The following EYA1 variants were observed in gnomAD, a reference collection of about 807,000 sequenced individuals.
The protein encoded by EYA1 is protein phosphatase EYA1.
EYA1 carries 16 observed loss-of-function variants against 82.0 expected under a neutral mutation model. The observed-to-expected ratio is 0.20, with a 90% confidence interval of 0.13 to 0.30. The LOEUF is 0.30. Ranked by LOEUF, EYA1 falls within the 10% of genes least tolerant of loss-of-function variation. The pLI, the probability that EYA1 is intolerant of heterozygous loss-of-function variation, is 1.00. For missense variants in EYA1, 633 were observed against 730.7 expected, an observed-to-expected ratio of 0.87 and a Z score of 1.54; for synonymous variants, 261 against 264.4, an observed-to-expected ratio of 0.99 and a Z score of 0.12.
chr8:71,530,463 G>T (rs1471653613), intron 2 of EYA1, among the ~76,000 whole-genome samples: 1 of 152,176 alleles, frequency 6.6e-6, no homozygotes, highest in African/African-American at 2.4e-5. Flanking sequence ...TTCTAATAAA[G>T]ATGCTCGGCT....
chr8:71,272,468 T>C (rs1187822608), intron 9 of EYA1, among the ~76,000 whole-genome samples: 1 of 152,144 alleles, frequency 6.6e-6, no homozygotes, highest in Non-Finnish European at 1.5e-5. Flanking sequence ...ACAATACCCG[T>C]ACTCCACACA....
intron 11 of EYA1, among the ~76,000 whole-genome samples, chr8:71,266,471 A>C (rs1336510932): frequency 1.3e-5 from 2 of 152,210 alleles, no homozygotes; most frequent in East Asian, 3.9e-4. Flanking sequence ...TGAGGAAATC[A>C]TTAAGTAGAC....
intron 9 of EYA1, among the ~76,000 whole-genome samples, chr8:71,295,822 C>T (rs1819534210): frequency 6.6e-6 from 1 of 152,100 alleles, no homozygotes; most frequent in Non-Finnish European, 1.5e-5. Flanking sequence ...ACCAAGATGT[C>T]CTTCAATTGG....
chr8:71,451,801 G>A (rs1002972027), intron 2 of EYA1, among the ~76,000 whole-genome samples: 9 of 152,200 alleles, frequency 5.9e-5, no homozygotes, highest in Non-Finnish European at 1.0e-4. Context: ...GTTCCAAGAT[G>A]GCCAACTAGG....
At chr8:71,386,334 C>T (rs1828964407) in intron 2 of EYA1, among the ~76,000 whole-genome samples, 3 of 152,240 alleles carry the variant, frequency 2.0e-5, no homozygotes, top group South Asian at 4.1e-4. Flanking sequence ...ATGAGGGAGT[C>T]GCTCAAGCTC....
At chr8:71,371,512 G>A (rs1828078647) in intron 2 of EYA1, among the ~76,000 whole-genome samples, 1 of 152,082 alleles carries the variant, frequency 6.6e-6, no homozygotes, top group South Asian at 2.1e-4. Context: ...AAAATCAAGG[G>A]CAACAAGTCA....
intron 2 of EYA1, among the ~76,000 whole-genome samples, chr8:71,422,646 G>T (rs1469596307): frequency 6.6e-6 from 1 of 152,068 alleles, no homozygotes; most frequent in African/African-American, 2.4e-5. Flanking sequence ...AGCATGGCTG[G>T]GGAGGCCTCA....
intron 4 of EYA1, among the ~76,000 whole-genome samples, chr8:71,332,468 A>C (rs549945336): frequency 7.2e-5 from 11 of 152,222 alleles, no homozygotes; most frequent in Admixed American, 7.2e-4. Flanking sequence ...CCCATTGGTC[A>C]CTGCCCACTA....
At chr8:71,289,264 T>C (rs937386196) in intron 9 of EYA1, among the ~76,000 whole-genome samples, 3 of 152,082 alleles carry the variant, frequency 2.0e-5, no homozygotes, top group Admixed American at 1.3e-4. Flanking sequence ...TGAGGGAGAA[T>C]GGGAGCAATC....
intron 17 of EYA1, among the ~76,000 whole-genome samples, chr8:71,207,375 TAAG>T (rs1256089015): frequency 6.6e-6 from 1 of 152,120 alleles, no homozygotes; most frequent in Non-Finnish European, 1.5e-5. Context: ...AGTTAGAAAA[TAAG>T]AAAGGAATGT....
intron 11 of EYA1, among the ~76,000 whole-genome samples, chr8:71,268,757 A>C (rs1816166704): frequency 6.6e-6 from 1 of 152,226 alleles, no homozygotes. Context: ...AATCCCCCAG[A>C]CTGCATATCC....
chr8:71,354,491 T>C (rs1206795599), intron 3 of EYA1, among the ~76,000 whole-genome samples: 2 of 152,134 alleles, frequency 1.3e-5, no homozygotes, highest in African/African-American at 4.8e-5. Flanking sequence ...AATAAGAAGA[T>C]AAAACACACT....
intron 2 of EYA1, among the ~76,000 whole-genome samples, chr8:71,505,386 A>G: frequency 6.6e-6 from 1 of 152,216 alleles, no homozygotes; most frequent in South Asian, 2.1e-4. Context: ...CTTGTAGAAT[A>G]CATCTTAATT....
At chr8:71,344,820 AC>A (rs1284098211) in intron 3 of EYA1, among the ~76,000 whole-genome samples, 4 of 152,214 alleles carry the variant, frequency 2.6e-5, no homozygotes, top group African/African-American at 9.6e-5. Flanking sequence ...CAGACTCACA[AC>A]CTCAATCATA....
chr8:71,465,444 G>A (rs1417564923), intron 2 of EYA1, among the ~76,000 whole-genome samples: 2 of 152,050 alleles, frequency 1.3e-5, no homozygotes, highest in African/African-American at 4.8e-5. Context: ...CCAACATGGT[G>A]AAACTCCATC....
Position 71,211,153 on chromosome 8 carries a change from C to A in EYA1, c.1698+3G>T. On this transcript the variant is annotated splice_donor_region_variant and intron_variant, in intron 17 of 17. Coordinates refer to ENST00000340726, the MANE Select transcript of EYA1 (RefSeq NM_000503.6). The stretch of plus-strand genomic sequence containing the variant: ...ACAAGATGCACCATCTAGGAATGCT[C>A]ACCTTTTTTGCTCCTTGTTCTTCTT... 6.3e-7 allele frequency: 1 copy of A among 1,591,566 alleles called. No individual in the cohort carries two copies. Among genetic ancestry groups the A allele is most frequent in the Non-Finnish European group, 8.6e-7 (1 of 1,159,566 alleles).
At chr8:71,267,019 G>A (rs533576718) in intron 11 of EYA1, among the ~76,000 whole-genome samples, 1 of 152,144 alleles carries the variant, frequency 6.6e-6, no homozygotes, top group Admixed American at 6.5e-5. Flanking sequence ...TACTGCTGGT[G>A]CCTCAGATCA....
chr8:71,225,339 C>T (rs1366163739), intron 12 of EYA1: 3 of 456,108 alleles, frequency 6.6e-6, no homozygotes, highest in South Asian at 4.6e-5. Flanking sequence ...TTTGTAGCCT[C>T]TCCACACTGG....
chr8:71,408,896 C>G (rs1166993681), intron 2 of EYA1, among the ~76,000 whole-genome samples: 1 of 110,532 alleles, frequency 9.0e-6, no homozygotes, highest in South Asian at 3.2e-4. Context: ...ACAGAACTCT[C>G]CACCCCAAAT....
Sources: allele counts gnomAD v4.1 joint callset (sites outside exome capture counted in the v4.1 genomes callset), GRCh38; gene constraint gnomAD v4.1.1; transcripts MANE v1.5; gene names NCBI Gene and HGNC (gene_info 2026-07-23, HGNC 2026-07-21).